Variants in HMCN1 observed in about 807,000 individuals in gnomAD.
HMCN1 encodes the protein hemicentin 1.
HMCN1 carries 321 observed loss-of-function variants against 625.9 expected under a neutral mutation model. The observed-to-expected ratio is 0.51, with a 90% CI of 0.47 to 0.56. HMCN1 has a LOEUF of 0.56. HMCN1 is among the 20% of genes least tolerant of loss of function. HMCN1 has a pLI of 0.00. For synonymous variants in HMCN1, 2,425 were observed against 2,417.6 expected (o/e 1.00, Z -0.09); for missense variants, 6,588 against 6,887.3 (o/e 0.96, Z 1.54).
intron 4 of HMCN1, among the ~76,000 whole-genome samples, chr1:185,882,034 A>G (rs1664340753): frequency 6.6e-6 from 1 of 152,230 alleles, no homozygotes; most frequent in African/African-American, 2.4e-5. Context: ...TACCCTAAAC[A>G]GATGTAAAAA....
intron 4 of HMCN1, among the ~76,000 whole-genome samples, chr1:185,873,204 T>A (rs775174933): frequency 6.6e-6 from 1 of 152,316 alleles, no homozygotes. Flanking sequence ...TAGAGATAAC[T>A]GAATCAGTCA....
At chr1:186,054,172 G>T (rs1657151540) in intron 44 of HMCN1, among the ~76,000 whole-genome samples, 186 bp downstream of exon 44, 1 of 151,956 alleles carries the variant, frequency 6.6e-6, no homozygotes, top group South Asian at 2.1e-4. Context: ...CTGTTATTCG[G>T]CATTACAGCT....
rs1558261960 is a variant in HMCN1 at position 186,151,191 on chromosome 1, C to T, written c.14609-9C>T. On this transcript the variant is annotated splice_polypyrimidine_tract_variant and intron_variant, in intron 93 of 106. Transcript: ENST00000271588. ...CCTTATCCAGGAATGTTTTTTTTTC[C>T]CCCAATAGGTGGGCCCCAGCGAGCC... The T allele has an allele frequency of 1.9e-6, 3 of 1,609,292 alleles. No individual in the cohort carries two copies. Among genetic ancestry groups the T allele is most frequent in the Admixed American group, 3.4e-5 (2 of 59,014 alleles).
At chr1:186,040,304 C>T (rs1656121817) in intron 39 of HMCN1, among the ~76,000 whole-genome samples, 1 of 151,676 alleles carries the variant, frequency 6.6e-6, no homozygotes, top group Non-Finnish European at 1.5e-5. Context: ...ACAAAAACAT[C>T]AAGTAATATA....
chr1:185,891,181 C>T lies in HMCN1; in HGVS notation c.622-18156C>T, dbSNP rs80052951. Among the ~76,000 whole-genome samples the T allele has an allele frequency of 1.7e-4, 22 of 132,072 alleles. 1 individual carries two copies. The highest frequency in any genetic ancestry group is 7.9e-4 in the African/African-American group (22 of 27,786). The allele number at this position is 132,072 out of a possible 152,430, so 86.6% of individuals were successfully genotyped here. ...TTTGCTTGGTAGATCTTCCTCCATC[C>T]TTTTATTTTGAGCCTATGTGTGTCT... On this transcript the variant is annotated intron_variant, in intron 4 of 106. Coordinates refer to ENST00000271588, the MANE Select transcript of HMCN1 (RefSeq NM_031935.3).
chr1:186,108,090 G>C (rs1259612459), intron 70 of HMCN1, among the ~76,000 whole-genome samples: 1 of 141,256 alleles, frequency 7.1e-6, no homozygotes, highest in African/African-American at 2.6e-5. Flanking sequence ...TGTATATTAT[G>C]ATGGGCACTC....
At chr1:185,994,566 A>G (rs1255434900) in intron 23 of HMCN1, among the ~76,000 whole-genome samples, 1 of 152,104 alleles carries the variant, frequency 6.6e-6, no homozygotes, top group African/African-American at 2.4e-5. Flanking sequence ...TATATTTATT[A>G]TTTCCTGTAA....
chr1:186,145,631 G>T (rs1650268425), intron 92 of HMCN1, 58 bp downstream of exon 92: 1 of 1,609,772 alleles, frequency 6.2e-7, no homozygotes, highest in African/African-American at 1.3e-5. Flanking sequence ...AGTGCTCATT[G>T]TAGCAGGCCT....
At chr1:185,755,594 G>A (rs1175119648) in intron 1 of HMCN1, among the ~76,000 whole-genome samples, 2 of 152,258 alleles carry the variant, frequency 1.3e-5, no homozygotes, top group Non-Finnish European at 2.9e-5. Context: ...ATATGAAGCT[G>A]GGGAACCTGG....
At chr1:185,919,894 G>T (rs1426197199) in intron 6 of HMCN1, among the ~76,000 whole-genome samples, 1 of 152,182 alleles carries the variant, frequency 6.6e-6, no homozygotes, top group Non-Finnish European at 1.5e-5. Context: ...TATATATAGT[G>T]TGCATTTTGT....
intron 4 of HMCN1, among the ~76,000 whole-genome samples, chr1:185,893,210 T>A (rs367923662): frequency 2.0e-4 from 31 of 152,324 alleles, no homozygotes; most frequent in African/African-American, 6.7e-4. Flanking sequence ...GCCCACTGTC[T>A]GGCACTCCCT....
chr1:186,154,079 C>G, intron 97 of HMCN1, 92 bp downstream of exon 97: 2 of 1,009,034 alleles, frequency 2.0e-6, no homozygotes. Context: ...CTACATCTAA[C>G]ATGATATCAG....
Position 186,038,916 on chromosome 1 carries a change from G to T in HMCN1, c.5939G>T (p.Ser1980Ile). Residue 1980 changes from serine to isoleucine, a missense_variant, in exon 38 of 107, where the codon AGT becomes ATT. Transcript: ENST00000271588. ...AGAGGACAGATCATTGATATTGAAAGTGCCCAGATCTCAGATGCTGGCATA... is the reference window on the plus strand; with the variant it reads ...AGAGGACAGATCATTGATATTGAAATTGCCCAGATCTCAGATGCTGGCATA... ...LNRGQIIDIE[S>I]AQISDAGIYK... The T allele has an allele frequency of 6.2e-7, 1 of 1,607,576 alleles. No homozygotes were observed. The highest frequency in any genetic ancestry group is 8.5e-7 in the Non-Finnish European group (1 of 1,174,188).
intron 41 of HMCN1, among the ~76,000 whole-genome samples, chr1:186,047,846 G>T (rs1486980122): frequency 6.6e-6 from 1 of 152,014 alleles, no homozygotes; most frequent in Non-Finnish European, 1.5e-5. Flanking sequence ...CAGCTCTATT[G>T]TTCACACCAA....
intron 80 of HMCN1, among the ~76,000 whole-genome samples, chr1:186,122,327 T>C (rs766059007): frequency 2.0e-5 from 3 of 152,172 alleles, no homozygotes; most frequent in Non-Finnish European, 4.4e-5. Flanking sequence ...TACAACTGAA[T>C]AGAATATCCA....
At chr1:186,012,921 T>G (rs4650689) in intron 30 of HMCN1, among the ~76,000 whole-genome samples, 3 of 152,020 alleles carry the variant, frequency 2.0e-5, no homozygotes, top group Admixed American at 2.0e-4. Flanking sequence ...ATTTGATAAC[T>G]AAATACTCCA....
chr1:186,109,950 A>C (rs908145607), intron 71 of HMCN1, among the ~76,000 whole-genome samples: 1 of 152,184 alleles, frequency 6.6e-6, no homozygotes, highest in Non-Finnish European at 1.5e-5. Flanking sequence ...TAAAGGTAAA[A>C]ACTGAGTGAA....
chr1:185,848,125 AT>A (rs2102323387), intron 2 of HMCN1, among the ~76,000 whole-genome samples: 1 of 151,962 alleles, frequency 6.6e-6, no homozygotes, highest in African/African-American at 2.4e-5. Context: ...TATTCTCTCA[AT>A]TCCCTCAATG....
intron 1 of HMCN1, among the ~76,000 whole-genome samples, chr1:185,757,367 C>T (rs187455635): frequency 1.5e-4 from 23 of 152,206 alleles, no homozygotes; most frequent in African/African-American, 4.8e-4. Flanking sequence ...TTCTATCCTT[C>T]CCCTCTTCAA....
Sources: allele counts gnomAD v4.1 joint callset (sites outside exome capture counted in the v4.1 genomes callset), GRCh38; gene constraint gnomAD v4.1.1; transcripts MANE v1.5; gene names NCBI Gene and HGNC (gene_info 2026-07-23, HGNC 2026-07-21).